The following NCKAP5 variants were observed in gnomAD, a reference collection of about 807,000 sequenced individuals.
NCKAP5 encodes NCK associated protein 5.
In NCKAP5, 92 loss-of-function variants were observed where a neutral mutation model predicts 167.0. The observed-to-expected ratio is 0.55, with a 90% CI of 0.47 to 0.66. The LOEUF is 0.66. Ranked by LOEUF, NCKAP5 falls within the 30% of genes least tolerant of loss-of-function variation. The pLI is 0.00. For synonymous variants in NCKAP5, 891 were observed against 877.4 expected, an observed-to-expected ratio of 1.02 and a Z score of -0.27; for missense variants, 2,378 against 2,315.0, an observed-to-expected ratio of 1.03 and a Z score of -0.56.
At chr2:132,875,301 C>G (rs1434578005) in intron 9 of NCKAP5, among the ~76,000 whole-genome samples, 1 of 152,174 alleles carries the variant, frequency 6.6e-6, no homozygotes, top group Non-Finnish European at 1.5e-5. Flanking sequence ...TCTGAGACCT[C>G]ACCTGCTGCA....
Position 132,888,409 on chromosome 2 carries a change from TG to T in NCKAP5, c.580-9494del, listed in dbSNP as rs1479492743. 2.0e-5 allele frequency among the ~76,000 whole-genome samples: 3 copies of T among 152,316 alleles called. No individual in the cohort carries two copies. The East Asian group carries it at 5.8e-4, about 29-fold the overall frequency. Reference sequence around the variant, plus strand: ...TATATTTTTTCTTCTTTCTTTTTTTTGAGACAGGGTCTCTTGCCACTCAGGC... The same window carrying T: ...TATATTTTTTCTTCTTTCTTTTTTTTAGACAGGGTCTCTTGCCACTCAGGC... On this transcript the variant is annotated intron_variant, in intron 8 of 19. Coordinates refer to ENST00000409261, the MANE Select transcript of NCKAP5 (RefSeq NM_207363.3).
In NCKAP5 at chr2:132,878,836, C is replaced by A; in HGVS notation, c.648+12G>T. On this transcript the variant is annotated intron_variant, in intron 9 of 19. Transcript: ENST00000409261. ...TCCAGCCTTGGATCAGGAGCCTCTC[C>A]ATCCCCCTTACCTCATCAAGACATC... is the stretch of plus-strand genomic sequence containing the variant. 6.2e-7 allele frequency: 1 copy of A among 1,607,774 alleles called. No homozygotes were observed. Among genetic ancestry groups the A allele is most frequent in the Non-Finnish European group, 8.5e-7 (1 of 1,174,256 alleles).
At chr2:133,426,269 CA>C (rs997206329) in intron 3 of NCKAP5, among the ~76,000 whole-genome samples, 5 of 145,128 alleles carry the variant, frequency 3.4e-5, no homozygotes, top group African/African-American at 7.6e-5. Context: ...AACTTCATCT[CA>C]AAAAAAAAAG....
At chr2:132,684,086 T>C (rs1223763737) in intron 19 of NCKAP5, among the ~76,000 whole-genome samples, 2 of 152,250 alleles carry the variant, frequency 1.3e-5, no homozygotes, top group East Asian at 3.8e-4. Flanking sequence ...TTTATGCCAC[T>C]TTATCAAGTT....
At chr2:133,073,596 C>T (rs577585419) in intron 6 of NCKAP5, among the ~76,000 whole-genome samples, 5 of 152,232 alleles carry the variant, frequency 3.3e-5, no homozygotes, top group Admixed American at 6.5e-5. Context: ...AAGCCTAACC[C>T]GGCTGGCTGA....
chr2:132,927,674 T>C (rs1696014280), intron 8 of NCKAP5, among the ~76,000 whole-genome samples: 1 of 152,136 alleles, frequency 6.6e-6, no homozygotes, highest in Non-Finnish European at 1.5e-5. Flanking sequence ...GGTTCTCAGC[T>C]TGTTATTGGT....
chr2:133,495,248 C>G (rs1681839827), intron 3 of NCKAP5, among the ~76,000 whole-genome samples: 1 of 152,142 alleles, frequency 6.6e-6, no homozygotes, highest in Admixed American at 6.5e-5. Context: ...GGCCCATGTT[C>G]TCAGGATCTC....
the NCKAP5 span, among the ~76,000 whole-genome samples, chr2:133,573,770 G>A: frequency 1.3e-5 from 2 of 152,194 alleles, no homozygotes; most frequent in African/African-American, 4.8e-5. Context: ...GACAGAGGAG[G>A]TGGGAAAAGG....
intron 3 of NCKAP5, among the ~76,000 whole-genome samples, chr2:133,383,640 A>T (rs1166257214): frequency 6.6e-6 from 1 of 152,234 alleles, no homozygotes; most frequent in Admixed American, 6.5e-5. Flanking sequence ...GAATTGCCAC[A>T]CTGTCTTCCA....
At chr2:132,724,180 T>G (rs1028236630) in intron 19 of NCKAP5, among the ~76,000 whole-genome samples, 1 of 152,172 alleles carries the variant, frequency 6.6e-6, no homozygotes, top group African/African-American at 2.4e-5. Flanking sequence ...TCCTTCTGAC[T>G]ATTCCACTTC....
chr2:132,756,213 C>T (rs1378440607), intron 16 of NCKAP5, among the ~76,000 whole-genome samples: 1 of 152,120 alleles, frequency 6.6e-6, no homozygotes, highest in African/African-American at 2.4e-5. Flanking sequence ...AAGTTCTGTC[C>T]AGAAATAGCT....
At chr2:133,047,462 A>G (rs1162826197) in intron 6 of NCKAP5, among the ~76,000 whole-genome samples, 2 of 152,324 alleles carry the variant, frequency 1.3e-5, no homozygotes, top group Non-Finnish European at 2.9e-5. Flanking sequence ...ATGAAAGAAA[A>G]CATGCTGGAC....
the NCKAP5 span, among the ~76,000 whole-genome samples, chr2:133,644,742 G>T: frequency 1.3e-5 from 2 of 152,028 alleles, no homozygotes; most frequent in Non-Finnish European, 2.9e-5. Context: ...CACAGACAAG[G>T]TACTATTTAC....
the NCKAP5 span, among the ~76,000 whole-genome samples, chr2:133,601,317 T>C: frequency 1.3e-5 from 2 of 152,294 alleles, no homozygotes; most frequent in African/African-American, 4.8e-5. Context: ...CATTACCCAA[T>C]TGAAGGAACA....
intron 8 of NCKAP5, among the ~76,000 whole-genome samples, chr2:132,953,060 A>G (rs905623815): frequency 6.6e-6 from 1 of 152,216 alleles, no homozygotes; most frequent in African/African-American, 2.4e-5. Flanking sequence ...TGTGTTGGAT[A>G]GATAGGTAGT....
chr2:132,783,981 T>A lies in NCKAP5; in HGVS notation c.2830A>T (p.Ser944Cys). 1 of 1,596,116 alleles carries A rather than the reference T, an allele frequency of 6.3e-7. No individual in the cohort carries two copies. Among genetic ancestry groups the A allele is most frequent in the Non-Finnish European group, 8.5e-7 (1 of 1,172,954 alleles). The change falls in exon 14 of 20, where the codon AGC becomes TGC. Residue 944 changes from serine to cysteine, a missense_variant. This residue lies in a region of NCKAP5 where 1,325 missense variants were observed against 1,274.5 expected (regional missense o/e 1.04). Transcript: ENST00000409261. Reference sequence around the variant, plus strand: ...GAAGGTGCTGGTGAATAGTCATAGCTGGGCCTGGCCAGCAGGGAGACGGAC... The same window carrying A: ...GAAGGTGCTGGTGAATAGTCATAGCAGGGCCTGGCCAGCAGGGAGACGGAC... The part of the protein sequence containing the change: ...GRSVSLLARP[S>C]YDYSPAPSST...
At chr2:133,220,808 A>G (rs1417991619) in intron 4 of NCKAP5, among the ~76,000 whole-genome samples, 1 of 152,262 alleles carries the variant, frequency 6.6e-6, no homozygotes, top group South Asian at 2.1e-4. Context: ...GTCCCAGGGC[A>G]TGCCTGTTGG....
At chr2:132,920,787 A>AT (rs1695350973) in intron 8 of NCKAP5, among the ~76,000 whole-genome samples, 1 of 76,102 alleles carries the variant, frequency 1.3e-5, no homozygotes, top group African/African-American at 7.4e-5. Flanking sequence ...ATATATATAT[A>AT]TATATATATA....
At chr2:133,525,991 T>G (rs1399756489) in intron 2 of NCKAP5, among the ~76,000 whole-genome samples, 2 of 152,134 alleles carry the variant, frequency 1.3e-5, no homozygotes. Flanking sequence ...ATTAAAATGA[T>G]TCCTGTTTTA....
Sources: allele counts gnomAD v4.1 joint callset (sites outside exome capture counted in the v4.1 genomes callset), GRCh38; gene constraint gnomAD v4.1.1; regional missense constraint gnomAD v4.1.1; transcripts MANE v1.5; gene names NCBI Gene and HGNC (gene_info 2026-07-23, HGNC 2026-07-21).